The following SPAG16 variants were observed in gnomAD, a reference collection of about 807,000 sequenced individuals.
SPAG16 encodes the protein sperm-associated antigen 16 protein.
A neutral mutation model predicts 80.4 loss-of-function variants in SPAG16; 86 were observed. The ratio of observed to expected loss-of-function variants is 1.07; its 90% CI spans 0.90 to 1.28. The LOEUF is 1.28. SPAG16 is among the 50% of genes most tolerant of loss of function. The pLI, the probability that SPAG16 is intolerant of heterozygous loss-of-function variation, is 0.00. For missense variants in SPAG16, 870 were observed against 765.3 expected (o/e 1.14, Z -1.61); for synonymous variants, 294 against 265.9 (o/e 1.11, Z -1.03).
intron 13 of SPAG16, among the ~76,000 whole-genome samples, chr2:214,035,672 G>T (rs1331589356): frequency 1.3e-5 from 2 of 152,182 alleles, no homozygotes; most frequent in Non-Finnish European, 1.5e-5. Flanking sequence ...GGGGGCGGGG[G>T]TCCTTCCTGT....
chr2:214,011,157 T>C (rs753757398), intron 12 of SPAG16, among the ~76,000 whole-genome samples: 4 of 145,350 alleles, frequency 2.8e-5, no homozygotes, highest in African/African-American at 5.4e-5. Flanking sequence ...CTCTCCCACC[T>C]CACCTCTCTG....
chr2:213,478,325 C>T (rs1333488468), intron 9 of SPAG16, among the ~76,000 whole-genome samples: 2 of 152,138 alleles, frequency 1.3e-5, no homozygotes, highest in African/African-American at 4.8e-5. Context: ...TGACAAGTTA[C>T]TCTGACTTCA....
At chr2:213,876,602 G>A (rs551244232) in intron 11 of SPAG16, among the ~76,000 whole-genome samples, 25 of 152,204 alleles carry the variant, frequency 1.6e-4, no homozygotes, top group East Asian at 5.8e-4. Flanking sequence ...AGTATTCTAC[G>A]ACGTAAGTCT....
intron 10 of SPAG16, among the ~76,000 whole-genome samples, chr2:213,545,751 A>G (rs1294241180): frequency 2.6e-5 from 4 of 151,896 alleles, no homozygotes; most frequent in African/African-American, 9.7e-5. Context: ...TCATTGTCTC[A>G]CCATTATGTC....
intron 14 of SPAG16, among the ~76,000 whole-genome samples, chr2:214,130,076 A>C (rs1307954184): frequency 2.0e-5 from 3 of 152,138 alleles, no homozygotes; most frequent in Non-Finnish European, 2.9e-5. Context: ...CAATAGAGAA[A>C]ATTCTCACCC....
intron 10 of SPAG16, among the ~76,000 whole-genome samples, chr2:213,751,335 C>A (rs1273611116): frequency 6.6e-6 from 1 of 152,134 alleles, no homozygotes; most frequent in Non-Finnish European, 1.5e-5. Flanking sequence ...ACCCTAAACT[C>A]AACATACCCC....
chr2:214,029,681 A>G (rs1038631605), intron 13 of SPAG16, among the ~76,000 whole-genome samples: 1 of 152,164 alleles, frequency 6.6e-6, no homozygotes, highest in Non-Finnish European at 1.5e-5. Context: ...CCCCAAAAAC[A>G]AATCTTACTC....
chr2:213,822,926 A>G (rs908108183), intron 10 of SPAG16, among the ~76,000 whole-genome samples: 7 of 152,168 alleles, frequency 4.6e-5, no homozygotes, highest in Non-Finnish European at 8.8e-5. Context: ...TTATGGCTGC[A>G]TAGTATTCCA....
At chr2:213,584,328 T>C (rs1470792487) in intron 10 of SPAG16, among the ~76,000 whole-genome samples, 4 of 152,134 alleles carry the variant, frequency 2.6e-5, no homozygotes, top group African/African-American at 7.2e-5. Context: ...GTTACTGACA[T>C]TGGAGCCTTA....
At chr2:214,360,552 T>C (rs1912203) in intron 15 of SPAG16, among the ~76,000 whole-genome samples, 112,370 of 151,714 alleles carry the variant, frequency 0.74, 43,706 homozygotes, top group South Asian at 0.87. Flanking sequence ...TAGATGCAAA[T>C]CCATTTATCC....
intron 3 of SPAG16, chr2:213,302,575 A>G (rs370709093): frequency 1.3e-5 from 2 of 151,756 alleles, no homozygotes; most frequent in East Asian, 3.9e-4. Context: ...TAAATATCCT[A>G]CGTAAAGGTA....
intron 15 of SPAG16, among the ~76,000 whole-genome samples, chr2:214,409,703 T>C (rs930405211): frequency 5.9e-5 from 9 of 152,310 alleles, no homozygotes; most frequent in South Asian, 4.1e-4. Flanking sequence ...GCATAATTAT[T>C]ATAAATAAGT....
At chr2:213,669,651 T>G (rs1406073183) in intron 10 of SPAG16, among the ~76,000 whole-genome samples, 1 of 152,220 alleles carries the variant, frequency 6.6e-6, no homozygotes, top group Admixed American at 6.5e-5. Context: ...AATTCTCATC[T>G]AGTCCTATGG....
intron 10 of SPAG16, among the ~76,000 whole-genome samples, chr2:213,565,025 A>C (rs1021048256): frequency 6.6e-6 from 1 of 152,208 alleles, no homozygotes; most frequent in African/African-American, 2.4e-5. Flanking sequence ...TTATTAAAAT[A>C]TTTATTTTAA....
intron 11 of SPAG16, among the ~76,000 whole-genome samples, chr2:213,920,084 T>C (rs1160848489): frequency 6.6e-6 from 1 of 152,202 alleles, no homozygotes. Flanking sequence ...GTCTATTTTG[T>C]CTAAAATTAG....
chr2:213,431,012 C>T (rs968211339), intron 9 of SPAG16, among the ~76,000 whole-genome samples: 2 of 152,112 alleles, frequency 1.3e-5, no homozygotes, highest in Admixed American at 6.6e-5. Flanking sequence ...TAGTTTTTCT[C>T]AGACAAGCAA....
intron 15 of SPAG16, among the ~76,000 whole-genome samples, chr2:214,323,973 A>G (rs1696295462): frequency 6.6e-6 from 1 of 152,236 alleles, no homozygotes; most frequent in Admixed American, 6.5e-5. Context: ...TTTACTAAAT[A>G]ACATGCATGT....
chr2:213,985,065 A>C (rs1255607012), intron 12 of SPAG16, among the ~76,000 whole-genome samples: 1 of 152,102 alleles, frequency 6.6e-6, no homozygotes, highest in Non-Finnish European at 1.5e-5. Flanking sequence ...ACACAAGCAC[A>C]ATAATGTAAG....
intron 15 of SPAG16, among the ~76,000 whole-genome samples, chr2:214,194,561 T>C (rs1049206665): frequency 1.3e-5 from 2 of 152,076 alleles, no homozygotes; most frequent in Non-Finnish European, 2.9e-5. Flanking sequence ...GCATAAGACA[T>C]ATTTGTGCAC....
Sources: gnomAD v4.1 joint callset for allele counts (sites outside exome capture counted in the v4.1 genomes callset) on GRCh38, gnomAD v4.1.1 for gene constraint, MANE v1.5 for transcripts, NCBI Gene and HGNC (gene_info 2026-07-23, HGNC 2026-07-21) for gene names.